The following ARHGAP26 variants were observed in gnomAD, a reference collection of about 807,000 sequenced individuals.
ARHGAP26 encodes the protein Rho GTPase activating protein 26, also known as rho GTPase-activating protein 26.
In ARHGAP26, 38 loss-of-function variants were observed where a neutral mutation model predicts 104.8. The observed-to-expected ratio is 0.36, with a 90% CI of 0.28 to 0.48. The LOEUF is 0.48. Among genes scored for constraint, ARHGAP26 ranks in the 20% least tolerant of loss-of-function variants. The pLI, the probability that ARHGAP26 is intolerant of heterozygous loss-of-function variation, is 0.99. For missense variants in ARHGAP26, 704 were observed against 947.9 expected, an observed-to-expected ratio of 0.74 and a Z score of 3.38; for synonymous variants, 341 against 340.0, an observed-to-expected ratio of 1.00 and a Z score of -0.03.
intron 20 of ARHGAP26, among the ~76,000 whole-genome samples, chr5:143,197,808 T>G (rs1807095547): frequency 6.6e-6 from 1 of 152,236 alleles, no homozygotes; most frequent in African/African-American, 2.4e-5. Context: ...TTGTTATGTA[T>G]GGTGTGAGGT....
intron 1 of ARHGAP26, among the ~76,000 whole-genome samples, chr5:142,788,963 A>G (rs1759222572): frequency 6.6e-6 from 1 of 152,250 alleles, no homozygotes; most frequent in Non-Finnish European, 1.5e-5. Context: ...ATAGACTAGC[A>G]ACGGAAGCAT....
At chr5:142,883,857 G>A (rs1375812555) in intron 4 of ARHGAP26, among the ~76,000 whole-genome samples, 1 of 152,166 alleles carries the variant, frequency 6.6e-6, no homozygotes, top group African/African-American at 2.4e-5. Context: ...GGTTAATCAT[G>A]GTTCTCCTAC....
In ARHGAP26 at chr5:143,121,324, G is replaced by T. The variant is rs531511257; in HGVS notation, c.1698+177G>T. Among the ~76,000 whole-genome samples the T allele has an allele frequency of 4.6e-5, 7 of 152,308 alleles. No homozygotes were observed. The East Asian group carries it at 7.7e-4, about 17-fold the overall frequency. ...TGATAATGTAAGGTTGGTGGTAAAG[G>T]TGTCAACCGTGGTAGTTACAATGAC... On this transcript the variant is annotated intron_variant, in intron 18 of 22. Coordinates refer to ENST00000645722, the MANE Select transcript of ARHGAP26 (RefSeq NM_001135608.3).
intron 11 of ARHGAP26, among the ~76,000 whole-genome samples, chr5:142,988,206 G>C (rs1290587794): frequency 6.6e-6 from 1 of 152,046 alleles, no homozygotes; most frequent in Non-Finnish European, 1.5e-5. Flanking sequence ...ACTTCTTCCT[G>C]GTTTAGTCTT....
Position 143,227,601 on chromosome 5 carries a change from CT to C in ARHGAP26, c.*5162del. 1 of 229,834 alleles carries C rather than the reference CT, an allele frequency of 4.4e-6. No homozygotes were observed. The highest frequency in any genetic ancestry group is 8.6e-6 in the Non-Finnish European group (1 of 115,908). 14.2% of individuals were successfully genotyped at this position (229,834 alleles called of 1,614,324 possible). A position where few individuals can be genotyped will look rare whatever the true frequency, so the allele number is the denominator to read the frequency against. On this transcript the variant is annotated 3_prime_UTR_variant, in exon 23 of 23. Transcript: ENST00000645722. ...CAAGACTCCAACAAGTAATAATTAG[CT>C]TTTTTTCTCCTGCCGCCTACAGTAC...
At chr5:143,046,066 G>A (rs375258712) in intron 14 of ARHGAP26, among the ~76,000 whole-genome samples, 11 of 152,210 alleles carry the variant, frequency 7.2e-5, no homozygotes, top group East Asian at 5.8e-4. Context: ...CCCGGGAGGC[G>A]GAGGTTGCAG....
At chr5:142,952,102 A>G (rs1458491230) in intron 11 of ARHGAP26, among the ~76,000 whole-genome samples, 1 of 152,108 alleles carries the variant, frequency 6.6e-6, no homozygotes, top group Non-Finnish European at 1.5e-5. Context: ...GACATTTGCC[A>G]TTGGATTTAT....
intron 14 of ARHGAP26, among the ~76,000 whole-genome samples, chr5:143,050,000 CT>C (rs1323699742): frequency 6.6e-6 from 1 of 152,146 alleles, no homozygotes; most frequent in Non-Finnish European, 1.5e-5. Context: ...CTTATGACAG[CT>C]CTGGGTGCCC....
intron 11 of ARHGAP26, among the ~76,000 whole-genome samples, chr5:142,958,342 A>G (rs539750235): frequency 1.3e-5 from 2 of 152,348 alleles, no homozygotes; most frequent in East Asian, 3.9e-4. Context: ...TAAATGCACC[A>G]ATCATATGTT....
At chr5:143,118,755 G>C (rs1220768450) in intron 17 of ARHGAP26, among the ~76,000 whole-genome samples, 1 of 151,996 alleles carries the variant, frequency 6.6e-6, no homozygotes, top group Non-Finnish European at 1.5e-5. Context: ...CTGGATGACA[G>C]AGAAAGGCCT....
At chr5:142,963,221 C>CGTGTGTGTGT (rs1304070209) in intron 11 of ARHGAP26, among the ~76,000 whole-genome samples, 3 of 62,782 alleles carry the variant, frequency 4.8e-5, no homozygotes, top group African/African-American at 1.6e-4. Flanking sequence ...TGTGTGTGTG[C>CGTGTGTGTGT]GCGTGTGTGT....
intron 11 of ARHGAP26, among the ~76,000 whole-genome samples, chr5:142,963,202 G>GTATATA (rs1228738617): frequency 1.1e-5 from 1 of 89,936 alleles, no homozygotes; most frequent in Non-Finnish European, 2.0e-5. Flanking sequence ...ATATATATGT[G>GTATATA]TGTGTGTGTG....
At position 143,202,767 on chromosome 5, in the gene ARHGAP26, C is replaced by T. The variant is rs139691218; in HGVS notation, c.1989-4431C>T. On this transcript the variant is annotated intron_variant, in intron 20 of 22. Transcript: ENST00000645722. ...AACAGAACAGAGGCCTCAGAAATGACGCCACACATCTACAACCATCTGATC... is the reference window on the plus strand; with the variant it reads ...AACAGAACAGAGGCCTCAGAAATGATGCCACACATCTACAACCATCTGATC... The T allele has an allele frequency of 4.4e-3, 666 of 152,136 alleles. 5 individuals are homozygous for T. Among genetic ancestry groups the T allele is most frequent in the African/African-American group, 0.015 (638 of 41,510 alleles). 9.4% of individuals were successfully genotyped at this position (152,136 alleles called of 1,614,324 possible).
intron 11 of ARHGAP26, among the ~76,000 whole-genome samples, chr5:142,999,470 G>T (rs1373335298): frequency 1.3e-5 from 2 of 152,118 alleles, no homozygotes; most frequent in Non-Finnish European, 2.9e-5. Context: ...AGTGAGGCGG[G>T]TTAAGGCTAC....
chr5:142,909,966 C>T (rs1161603124), intron 9 of ARHGAP26, among the ~76,000 whole-genome samples: 2 of 152,102 alleles, frequency 1.3e-5, no homozygotes, highest in Admixed American at 6.5e-5. Flanking sequence ...GTTTGGTTCT[C>T]CAGAGACTTC....
chr5:143,120,896 T>C, intron 17 of ARHGAP26, 92 bp from the exon 18 acceptor site: 1 of 1,326,468 alleles, frequency 7.5e-7, no homozygotes, highest in Non-Finnish European at 1.0e-6. Flanking sequence ...ATGAGGAGTC[T>C]ATAAATAGGA....
chr5:142,884,984 C>G (rs532832805), intron 4 of ARHGAP26, among the ~76,000 whole-genome samples: 58 of 152,328 alleles, frequency 3.8e-4, no homozygotes, highest in Non-Finnish European at 6.8e-4. Flanking sequence ...GCCTTCTGGC[C>G]TTGAATATCC....
intron 20 of ARHGAP26, among the ~76,000 whole-genome samples, chr5:143,181,860 C>G (rs957631170): frequency 1.3e-5 from 2 of 152,192 alleles, no homozygotes; most frequent in African/African-American, 2.4e-5. Flanking sequence ...CCCCCAGTGG[C>G]TTAGAGCTGC....
chr5:142,958,002 C>A (rs1359115672), intron 11 of ARHGAP26, among the ~76,000 whole-genome samples: 1 of 152,266 alleles, frequency 6.6e-6, no homozygotes, highest in South Asian at 2.1e-4. Context: ...GAATGGCATG[C>A]AACTTTAACA....
Sources: gnomAD v4.1 joint callset for allele counts (sites outside exome capture counted in the v4.1 genomes callset) on GRCh38, gnomAD v4.1.1 for gene constraint, MANE v1.5 for transcripts, NCBI Gene and HGNC (gene_info 2026-07-23, HGNC 2026-07-21) for gene names.